GCM1: variants seen among roughly 807,000 people sequenced by gnomAD.
GCM1 encodes the protein GCM transcription factor 1, also known as chorion-specific transcription factor GCMa.
Under a neutral mutation model 25.7 loss-of-function variants are expected in GCM1, and 2 were observed. The ratio of observed to expected loss-of-function variants is 0.08; its 90% CI spans 0.03 to 0.24. GCM1 has a LOEUF of 0.24. Ranked by LOEUF, GCM1 falls within the 10% of genes least tolerant of loss-of-function variation. The probability of loss-of-function intolerance (pLI) is 1.00; values close to 1 mark genes in which losing one functional copy is unlikely to be tolerated. For synonymous variants in GCM1, 183 were observed against 195.7 expected, an observed-to-expected ratio of 0.94 and a Z score of 0.54; for missense variants, 395 against 538.7, an observed-to-expected ratio of 0.73 and a Z score of 2.64.
At chr6:53,129,137 G>T (rs940704502) in intron 5 of GCM1, among the ~76,000 whole-genome samples, 191 bp from the exon 6 acceptor site, 2 of 152,040 alleles carry the variant, frequency 1.3e-5, no homozygotes, top group Non-Finnish European at 2.9e-5. Context: ...AAAAGCAAAG[G>T]CTGCCTCTGT....
At chr6:53,146,214 ATATTTTT>A (rs1238533032) in intron 1 of GCM1, among the ~76,000 whole-genome samples, 61 of 69,466 alleles carry the variant, frequency 8.8e-4, no homozygotes, top group African/African-American at 2.6e-3. Context: ...ATATATATAT[ATATTTTT>A]TTTTTTTTTT....
At position 53,128,028 on chromosome 6, in the gene GCM1, C is replaced by CCAAAA; in HGVS notation, c.*177_*178insTTTTG. 3.2e-5 allele frequency: 2 copies of CCAAAA among 63,466 alleles called. No individual in the cohort carries two copies. The highest frequency in any genetic ancestry group is 2.6e-5 in the Non-Finnish European group (1 of 38,706). 3.9% of individuals were successfully genotyped at this position (63,466 alleles called of 1,614,324 possible). On this transcript the variant is annotated 3_prime_UTR_variant, in exon 6 of 6. Coordinates refer to ENST00000259803, the MANE Select transcript of GCM1 (RefSeq NM_003643.4). ...TGGGCAAAAGAGCAAGACTCTGTCT[C>CCAAAA]AAAAAAAAAAAAAAAAAAAAAAAAA...
chr6:53,127,490 T>TC lies in GCM1; in HGVS notation c.*715dup, dbSNP rs1389581640. ...CTATTTCTGTTTCTTCATTCTCAGT[T>TC]CCCAAGAAGGCATAGATCAGGTCCT... On this transcript the variant is annotated 3_prime_UTR_variant, in exon 6 of 6. Transcript: ENST00000259803. 6.6e-6 allele frequency: 1 copy of TC among 152,182 alleles called. No individual in the cohort carries two copies. Among genetic ancestry groups the TC allele is most frequent in the Admixed American group, 6.6e-5 (1 of 15,262 alleles). The allele number at this position is 152,182 out of a possible 1,614,324, so 9.4% of individuals were successfully genotyped here.
chr6:53,128,126 T>C lies in GCM1; in HGVS notation c.*80A>G. The stretch of plus-strand genomic sequence containing the variant: ...TTCTCATTTATCTGTGGTTATGTTT[T>C]AAAAATTATTTCCTAAGGAAATTCT... On this transcript the variant is annotated 3_prime_UTR_variant, in exon 6 of 6. Transcript: ENST00000259803. 9.1e-7 allele frequency: 1 copy of C among 1,096,318 alleles called. No individual in the cohort carries two copies. Among genetic ancestry groups the C allele is most frequent in the Non-Finnish European group, 1.3e-6 (1 of 761,236 alleles). 67.9% of individuals were successfully genotyped at this position (1,096,318 alleles called of 1,614,324 possible).
intron 2 of GCM1, among the ~76,000 whole-genome samples, chr6:53,134,673 C>T (rs1260018439): frequency 1.3e-5 from 2 of 152,196 alleles, no homozygotes; most frequent in African/African-American, 4.8e-5. Flanking sequence ...TACACAATAA[C>T]TATAGAAAAC....
At chr6:53,138,323 T>C (rs1418505745) in intron 2 of GCM1, among the ~76,000 whole-genome samples, 1 of 150,330 alleles carries the variant, frequency 6.7e-6, no homozygotes, top group Non-Finnish European at 1.5e-5. Flanking sequence ...GGACAACGTA[T>C]GGACTGAGAA....
chr6:53,135,092 G>A (rs1170821839), intron 2 of GCM1, among the ~76,000 whole-genome samples: 2 of 152,180 alleles, frequency 1.3e-5, no homozygotes, highest in Admixed American at 6.5e-5. Flanking sequence ...CAGGATTGGC[G>A]CTATGCCCTG....
In GCM1 at chr6:53,142,000, G is replaced by GGAAAAAAAAAAAAAAAAAAAAAAAAAAA. The variant is rs1259951702; in HGVS notation, c.75+3557_75+3558insTTTTTTTTTTTTTTTTTTTTTTTTTTTC. 4.1e-4 allele frequency among the ~76,000 whole-genome samples: 5 copies of GGAAAAAAAAAAAAAAAAAAAAAAAAAAA among 12,292 alleles called. 2 individuals carry two copies. Among genetic ancestry groups the GGAAAAAAAAAAAAAAAAAAAAAAAAAAA allele is most frequent in the Non-Finnish European group, 8.4e-4 (5 of 5,940 alleles). 8.1% of individuals were successfully genotyped at this position (12,292 alleles called of 152,430 possible). A position where few individuals can be genotyped will look rare whatever the true frequency, so the allele number is the denominator to read the frequency against. On this transcript the variant is annotated intron_variant, in intron 2 of 5. Coordinates refer to ENST00000259803, the MANE Select transcript of GCM1 (RefSeq NM_003643.4). Reference sequence around the variant, plus strand: ...GCTTGGGTAATGAGAGTGAGACCCTGAAAAAAAAAAAAAAAAAAAAAAAAA... The same window carrying GGAAAAAAAAAAAAAAAAAAAAAAAAAAA: ...GCTTGGGTAATGAGAGTGAGACCCTGGAAAAAAAAAAAAAAAAAAAAAAAAAAAAAAAAAAAAAAAAAAAAAAAAAAAA...
chr6:53,133,962 C>T (rs1763762290), intron 3 of GCM1, 110 bp downstream of exon 3: 1 of 1,098,122 alleles, frequency 9.1e-7, no homozygotes, highest in African/African-American at 1.5e-5. Context: ...TGCCACTACA[C>T]TCCAGGGTGA....
Position 53,128,011 on chromosome 6 carries a change from A to G in GCM1, c.*195T>C. On this transcript the variant is annotated 3_prime_UTR_variant, in exon 6 of 6. Coordinates refer to ENST00000259803, the MANE Select transcript of GCM1 (RefSeq NM_003643.4). ...GCCACTGCATTCCTGCCTGGGCAAAAGAGCAAGACTCTGTCTCAAAAAAAA... is the reference window on the plus strand; with the variant it reads ...GCCACTGCATTCCTGCCTGGGCAAAGGAGCAAGACTCTGTCTCAAAAAAAA... The G allele has an allele frequency of 2.9e-6, 1 of 347,426 alleles. No individual in the cohort carries two copies. The highest frequency in any genetic ancestry group is 4.9e-6 in the Non-Finnish European group (1 of 205,934). 21.5% of individuals were successfully genotyped at this position (347,426 alleles called of 1,614,324 possible).
At chr6:53,141,974 A>G (rs994580976) in intron 2 of GCM1, among the ~76,000 whole-genome samples, 5 of 124,036 alleles carry the variant, frequency 4.0e-5, no homozygotes, top group Non-Finnish European at 6.4e-5. Flanking sequence ...ACTGCACTCC[A>G]GCTTGGGTAA....
intron 3 of GCM1, among the ~76,000 whole-genome samples, chr6:53,132,650 T>G (rs907057033): frequency 6.6e-6 from 1 of 152,152 alleles, no homozygotes; most frequent in Non-Finnish European, 1.5e-5. Flanking sequence ...AGGTGGAGGT[T>G]GCAGTGAGCC....
Position 53,128,649 on chromosome 6 carries a change from C to T in GCM1, c.868G>A (p.Asp290Asn). The stretch of plus-strand genomic sequence containing the variant: ...CTCCACGCTTGTAGATCGCCATGAT[C>T]AGAGTAGACTCCGGAGGCAGAAGGA... Reference protein sequence around the residue: ...LPPSASGVYSDHGDLQAWSKN... With the variant: ...LPPSASGVYSNHGDLQAWSKN... The change falls in exon 6 of 6, where the codon GAT becomes AAT. Residue 290 changes from aspartate (D) to asparagine (N), a missense_variant. Physicochemically the swap from Asp to Asn is conservative, Grantham distance 23. Around this residue, in one of 5 missense-constraint regions of GCM1, gnomAD observed 291 missense variants for 314.6 expected, o/e 0.92. Coordinates refer to ENST00000259803, the MANE Select transcript of GCM1 (RefSeq NM_003643.4). 1 of 1,613,946 alleles carries T rather than the reference C, an allele frequency of 6.2e-7. No individual in the cohort carries two copies. Among genetic ancestry groups the T allele is most frequent in the East Asian group, 2.2e-5 (1 of 44,874 alleles).
chr6:53,148,656 A>T (rs1764000085), intron 1 of GCM1, 98 bp downstream of exon 1: 1 of 152,244 alleles, frequency 6.6e-6, no homozygotes, highest in Admixed American at 6.5e-5. Flanking sequence ...TCATTTCTAC[A>T]GAAAAATGAA....
intron 2 of GCM1, among the ~76,000 whole-genome samples, chr6:53,142,946 G>A (rs1763901783): frequency 7.3e-6 from 1 of 136,982 alleles, no homozygotes; most frequent in African/African-American, 2.7e-5. Flanking sequence ...TTTTCTCCAA[G>A]TCCTGTACTT....
chr6:53,137,937 C>T (rs533620222), intron 2 of GCM1, among the ~76,000 whole-genome samples: 15 of 152,156 alleles, frequency 9.9e-5, no homozygotes, highest in Non-Finnish European at 1.8e-4. Flanking sequence ...ATCCTTTAAG[C>T]TTTTTTCTGA....
Position 53,148,789 on chromosome 6 carries a change from G to A in GCM1, c.-172C>T, listed in dbSNP as rs1332034677. 6.6e-6 allele frequency: 1 copy of A among 152,198 alleles called. No individual in the cohort carries two copies. The highest frequency in any genetic ancestry group is 1.5e-5 in the Non-Finnish European group (1 of 68,052). The allele number at this position is 152,198 out of a possible 1,614,324, so 9.4% of individuals were successfully genotyped here. ...CTTACGGAGAAGCAGACAGCACTGTGTCGTGAAAATCTTACTGCTGGTTCA... is the reference window on the plus strand; with the variant it reads ...CTTACGGAGAAGCAGACAGCACTGTATCGTGAAAATCTTACTGCTGGTTCA... On this transcript the variant is annotated 5_prime_UTR_variant, in exon 1 of 6. Transcript: ENST00000259803.
chr6:53,132,694 A>G (rs1223890679), intron 3 of GCM1, among the ~76,000 whole-genome samples: 1 of 152,226 alleles, frequency 6.6e-6, no homozygotes, highest in Non-Finnish European at 1.5e-5. Flanking sequence ...CTTGGGTGAC[A>G]GAGTGAAAGT....
At position 53,128,182 on chromosome 6, in the gene GCM1, G is replaced by T; in HGVS notation, c.*24C>A. ...CCCTTCCCCATTTTTGAGGGGCTGG[G>T]GTGCACATAGTGAAAGATTTGGGTC... On this transcript the variant is annotated 3_prime_UTR_variant, in exon 6 of 6. Coordinates refer to ENST00000259803, the MANE Select transcript of GCM1 (RefSeq NM_003643.4). 2.5e-6 allele frequency: 4 copies of T among 1,583,322 alleles called. No homozygotes were observed. Among genetic ancestry groups the T allele is most frequent in the Non-Finnish European group, 3.4e-6 (4 of 1,166,098 alleles).
Sources: allele counts gnomAD v4.1 joint callset (sites outside exome capture counted in the v4.1 genomes callset), GRCh38; gene constraint gnomAD v4.1.1; regional missense constraint gnomAD v4.1.1; transcripts MANE v1.5; gene names NCBI Gene and HGNC (gene_info 2026-07-23, HGNC 2026-07-21).